The following SLC15A3 variants were observed in gnomAD, a reference collection of about 807,000 sequenced individuals.
The protein encoded by SLC15A3 is solute carrier family 15 member 3, also known as osteoclast transporter.
Under a neutral mutation model 49.2 loss-of-function variants are expected in SLC15A3, and 39 were observed. That is an observed-to-expected ratio of 0.79 (90% CI 0.61 to 1.04). The LOEUF is 1.04. Among genes scored for constraint, SLC15A3 ranks in the 50% least tolerant of loss-of-function variants. The probability of loss-of-function intolerance (pLI) is 0.00; values close to 1 mark genes in which losing one functional copy is unlikely to be tolerated. For synonymous variants in SLC15A3, 339 were observed against 367.0 expected, an observed-to-expected ratio of 0.92 and a Z score of 0.87; for missense variants, 758 against 794.8, an observed-to-expected ratio of 0.95 and a Z score of 0.56.
At chr11:60,942,346 G>A (rs1856725310) in intron 3 of SLC15A3, 1 of 541,750 alleles carries the variant, frequency 1.8e-6, no homozygotes, top group African/African-American at 1.9e-5. Context: ...TCTGCTCTCA[G>A]GCCTGTAGGC....
In SLC15A3 at chr11:60,951,666, T is replaced by A; in HGVS notation, c.-115A>T. On this transcript the variant is annotated 5_prime_UTR_variant, in exon 1 of 8. Transcript: ENST00000227880. ...TCTCCCCCACCCAACTGGCTGGCCC[T>A]CCTTTCTCACCGCTTTGGCCCACCC... The A allele has an allele frequency of 1.3e-6, 1 of 799,446 alleles. No homozygotes were observed. Among genetic ancestry groups the A allele is most frequent in the Non-Finnish European group, 1.5e-6 (1 of 671,450 alleles). The allele number at this position is 799,446 out of a possible 1,614,324, so 49.5% of individuals were successfully genotyped here.
In SLC15A3 at chr11:60,946,697, A is replaced by G; in HGVS notation, c.683T>C (p.Leu228Pro). ...ACAGCCCACAGGGATGCTGTAGCCC[A>G]GCAGGAAGCTGATGTTCTGCTGAAT... ...AFIQQNISFL[L>P]GYSIPVGCVG... Residue 228 changes from leucine (L) to proline (P), a missense_variant, in exon 2 of 8, where the codon CTG becomes CCG. By Grantham distance (98) the Leu-to-Pro change is moderately conservative. Around this residue, in one of 3 missense-constraint regions of SLC15A3, gnomAD observed 699 missense variants for 706.7 expected, o/e 0.99. Transcript: ENST00000227880. 6.2e-7 allele frequency: 1 copy of G among 1,614,268 alleles called. No individual in the cohort carries two copies. The highest frequency in any genetic ancestry group is 8.5e-7 in the Non-Finnish European group (1 of 1,180,046).
intron 1 of SLC15A3, among the ~76,000 whole-genome samples, chr11:60,950,685 G>A (rs1856899787): frequency 6.6e-6 from 1 of 152,186 alleles, no homozygotes; most frequent in South Asian, 2.1e-4. Context: ...CAGCTACTCT[G>A]GAGGCTAAGG....
At chr11:60,948,712 C>T (rs1269724677) in intron 1 of SLC15A3, among the ~76,000 whole-genome samples, 1 of 152,198 alleles carries the variant, frequency 6.6e-6, no homozygotes, top group Non-Finnish European at 1.5e-5. Flanking sequence ...GATCAGGTCC[C>T]GACTTCATGA....
intron 4 of SLC15A3, chr11:60,941,774 G>C (rs957313453): frequency 4.4e-6 from 2 of 458,784 alleles, no homozygotes; most frequent in Non-Finnish European, 8.0e-6. Flanking sequence ...ATCTGAGGGT[G>C]CAAATTAGGC....
At chr11:60,937,847 T>C in intron 7 of SLC15A3, 23 bp downstream of exon 7, 2 of 1,610,652 alleles carry the variant, frequency 1.2e-6, no homozygotes, top group Non-Finnish European at 1.7e-6. Context: ...CATGTCCCAC[T>C]CCTGGGGAGG....
In SLC15A3 at chr11:60,951,180, G is replaced by C; in HGVS notation, c.372C>G (p.Pro124=). 2 of 1,496,032 alleles carry C rather than the reference G, an allele frequency of 1.3e-6. No homozygotes were observed. The highest frequency in any genetic ancestry group is 1.8e-6 in the Non-Finnish European group (2 of 1,130,762). 92.7% of individuals were successfully genotyped at this position (1,496,032 alleles called of 1,614,324 possible). The part of the protein sequence containing the change: ...ASGLLPATAF[P]DGRSSFCGEM... ...CTCCGCAGAAGGAGCTGCGGCCGTC[G>C]GGGAAGGCGGTGGCGGGCAGCAGGC... Residue 124 remains proline, a synonymous_variant, in exon 1 of 8, where the codon CCC becomes CCG. Coordinates refer to ENST00000227880, the MANE Select transcript of SLC15A3 (RefSeq NM_016582.3).
rs373404805 is a variant in SLC15A3 at position 60,943,732 on chromosome 11, G to A, written c.953C>T (p.Pro318Leu). Residue 318 changes from proline (P) to leucine (L), a missense_variant, in exon 3 of 8, where the codon CCC (proline) becomes CTC (leucine). This residue lies in a region of SLC15A3 where 699 missense variants were observed against 706.7 expected (regional missense o/e 0.99). Coordinates refer to ENST00000227880, the MANE Select transcript of SLC15A3 (RefSeq NM_016582.3). ...GTAGGGCACCAGGGTCACCATGACG[G>A]GCAAGATCTTCACCAGCACCTGGAA... The part of the protein sequence containing the change: ...ANFQVLVKIL[P>L]VMVTLVPYWM... 7 of 1,603,120 alleles carry A rather than the reference G, an allele frequency of 4.4e-6. No homozygotes were observed. Among genetic ancestry groups the A allele is most frequent in the Non-Finnish European group, 6.0e-6 (7 of 1,174,210 alleles).
intron 1 of SLC15A3, 24 bp downstream of exon 1, chr11:60,950,970 C>T (rs1174608809): frequency 4.2e-6 from 6 of 1,412,414 alleles, no homozygotes; most frequent in Non-Finnish European, 5.5e-6. Context: ...CGGAGTATGC[C>T]GGGGCAGGCC....
At position 60,941,275 on chromosome 11, in the gene SLC15A3, G is replaced by A. The variant is rs1034496307; in HGVS notation, c.1123C>T (p.Leu375Phe). Reference protein sequence around the residue: ...GSSYTIPEAWLLLANVVVVLI... With the variant: ...GSSYTIPEAWFLLANVVVVLI... ...ACCACCACAACATTGGCCAGGAGGA[G>A]CCAGGCTTCCGGGATCTGGGCAGGA... Residue 375 changes from leucine (L) to phenylalanine (F), a missense_variant, in exon 5 of 8, where the codon CTC becomes TTC. By Grantham distance (22) the Leu-to-Phe change is conservative. Coordinates refer to ENST00000227880, the MANE Select transcript of SLC15A3 (RefSeq NM_016582.3). The A allele has an allele frequency of 1.2e-6, 2 of 1,613,694 alleles. No individual in the cohort carries two copies. The highest frequency in any genetic ancestry group is 2.7e-5 in the African/African-American group (2 of 74,920).
rs1856720939 is a variant in SLC15A3 at position 60,942,122 on chromosome 11, C to T, written c.1020G>A (p.Gln340=). 20 of 1,613,952 alleles carry T rather than the reference C, an allele frequency of 1.2e-5. No individual in the cohort carries two copies. The highest frequency in any genetic ancestry group is 1.6e-5 in the Non-Finnish European group (19 of 1,179,966). The change falls in exon 4 of 8, where the codon CAG becomes CAA. Residue 340 remains glutamine, a synonymous_variant. Transcript: ENST00000227880. ...YFQMQSTYVL[Q]GLHLHIPNIF... ...TGTTTGGGATGTGGAGGTGAAGACC[C>T]TGCAGGACATAGGTGGACTGCATCT...
chr11:60,937,637 C>G, intron 7 of SLC15A3: 1 of 687,492 alleles, frequency 1.5e-6, no homozygotes, highest in Non-Finnish European at 2.4e-6. Flanking sequence ...TGGCAGAGTT[C>G]CAGAAGCAGA....
chr11:60,951,308 C>T lies in SLC15A3; in HGVS notation c.244G>A (p.Ala82Thr), dbSNP rs1306191780. The change falls in exon 1 of 8, where the codon GCC becomes ACC. Residue 82 changes from alanine (A) to threonine (T), a missense_variant. Physicochemically the swap from Ala to Thr is moderately conservative, Grantham distance 58 (BLOSUM62 0). Transcript: ENST00000227880. ...CCCACGGGCGCCAGCAGGTAGGAGG[C>T]GCCCAGGAATACCAGCGCGGCGCGC... ...ATRAALVFLG[A>T]SYLLAPVGGW... 1.2e-5 allele frequency: 19 copies of T among 1,527,478 alleles called. No individual in the cohort carries two copies. The highest frequency in any genetic ancestry group is 1.7e-5 in the Non-Finnish European group (19 of 1,140,012). 94.6% of individuals were successfully genotyped at this position (1,527,478 alleles called of 1,614,324 possible).
At chr11:60,943,871 G>A (rs1415883934) in intron 2 of SLC15A3, 35 bp from the exon 3 acceptor site, 4 of 1,473,438 alleles carry the variant, frequency 2.7e-6, no homozygotes, top group Non-Finnish European at 3.6e-6. Context: ...TAAAACAACA[G>A]TCAAGGCTGG....
chr11:60,939,781 G>A (rs1013656601), intron 5 of SLC15A3, 143 bp from the exon 6 acceptor site: 2 of 957,628 alleles, frequency 2.1e-6, no homozygotes, highest in East Asian at 2.6e-5. Flanking sequence ...GCTGGACTGG[G>A]GGGTGGAGGA....
intron 1 of SLC15A3, among the ~76,000 whole-genome samples, chr11:60,948,799 G>A (rs956215389): frequency 6.6e-6 from 1 of 152,202 alleles, no homozygotes; most frequent in African/African-American, 2.4e-5. Flanking sequence ...TTCTGGCCCT[G>A]TTGATGCCAC....
Position 60,951,368 on chromosome 11 carries a change from T to G in SLC15A3, c.184A>C (p.Ser62Arg). 1 of 1,559,582 alleles carries G rather than the reference T, an allele frequency of 6.4e-7. No homozygotes were observed. The highest frequency in any genetic ancestry group is 8.6e-7 in the Non-Finnish European group (1 of 1,157,366). ...VTANLVLYLN[S>R]TNFNWTGEQA... The stretch of plus-strand genomic sequence containing the variant: ...TCGCCGGTCCAGTTGAAGTTGGTGC[T>G]GTTGAGGTACAGCACGAGGTTGGCG... Residue 62 changes from serine to arginine, a missense_variant, in exon 1 of 8, where the codon AGC (serine) becomes CGC (arginine). This residue lies in a region of SLC15A3 where 699 missense variants were observed against 706.7 expected (regional missense o/e 0.99). Transcript: ENST00000227880.
At chr11:60,943,413 A>G (rs1405263758) in intron 3 of SLC15A3, 7 of 260,722 alleles carry the variant, frequency 2.7e-5, no homozygotes, top group Non-Finnish European at 5.0e-5. Flanking sequence ...TCAAGGACCT[A>G]GCCTGGCACA....
At chr11:60,941,978 T>C in intron 4 of SLC15A3, 57 bp downstream of exon 4, 1 of 1,507,002 alleles carries the variant, frequency 6.6e-7, no homozygotes, top group Non-Finnish European at 9.2e-7. Context: ...CCTCCTCTTC[T>C]CAGAGGAAGC....
Sources: gnomAD v4.1 joint callset for allele counts (sites outside exome capture counted in the v4.1 genomes callset) on GRCh38, gnomAD v4.1.1 for gene constraint, gnomAD v4.1.1 regional missense constraint, MANE v1.5 for transcripts, NCBI Gene and HGNC (gene_info 2026-07-23, HGNC 2026-07-21) for gene names.